The following WWOX variants were observed in gnomAD, a reference collection of about 807,000 sequenced individuals.
WWOX encodes the protein WW domain containing oxidoreductase.
A neutral mutation model predicts 46.2 loss-of-function variants in WWOX; 69 were observed. The ratio of observed to expected loss-of-function variants is 1.49; its 90% CI spans 1.23 to 1.82. WWOX has a LOEUF of 1.82. Among genes scored for constraint, WWOX ranks in the 40% most tolerant of loss-of-function variants. The probability of loss-of-function intolerance (pLI) is 0.00; values close to 1 mark genes in which losing one functional copy is unlikely to be tolerated. For missense variants in WWOX, 919 were observed against 542.6 expected (o/e 1.69, Z -6.89); for synonymous variants, 359 against 202.6 (o/e 1.77, Z -6.56).
At chr16:78,626,041 C>A (rs1283523716) in intron 8 of WWOX, among the ~76,000 whole-genome samples, 3 of 151,668 alleles carry the variant, frequency 2.0e-5, no homozygotes, top group Non-Finnish European at 4.4e-5. Flanking sequence ...TAAAGTCCAT[C>A]GTTTATCATA....
intron 8 of WWOX, among the ~76,000 whole-genome samples, chr16:79,105,662 T>G (rs1317808315): frequency 2.7e-5 from 4 of 146,354 alleles, no homozygotes; most frequent in Admixed American, 2.0e-4. Context: ...GTCTTTTTGT[T>G]TTTTTTTTTT....
Position 78,558,346 on chromosome 16 carries a change from G to C in WWOX, c.1056+125594G>C, listed in dbSNP as rs539145448. ...GGTTTGGCCTGCTGAAGTTTGTTTT[G>C]GATTTTTTAATGAAATAAATTAGCT... On this transcript the variant is annotated intron_variant, in intron 8 of 8. Transcript: ENST00000566780. Among the ~76,000 whole-genome samples, 413 of 152,314 alleles carry C rather than the reference G, an allele frequency of 2.7e-3. 2 individuals carry two copies. Among genetic ancestry groups the C allele is most frequent in the Non-Finnish European group, 2.9e-3 (200 of 68,026 alleles).
At chr16:78,908,346 C>T (rs1423366112) in intron 8 of WWOX, among the ~76,000 whole-genome samples, 1 of 152,044 alleles carries the variant, frequency 6.6e-6, no homozygotes, top group Non-Finnish European at 1.5e-5. Context: ...TTGAGACCAT[C>T]CTGGCCAAGG....
At chr16:78,428,902 T>A (rs887276726) in intron 7 of WWOX, among the ~76,000 whole-genome samples, 15 of 152,188 alleles carry the variant, frequency 9.9e-5, no homozygotes. Flanking sequence ...TAAACATTAA[T>A]GGAAAACATA....
intron 8 of WWOX, among the ~76,000 whole-genome samples, chr16:78,594,623 G>T (rs2045439779): frequency 6.6e-6 from 1 of 152,026 alleles, no homozygotes; most frequent in Admixed American, 6.5e-5. Context: ...TTCCAGAAAG[G>T]GATGATAGCC....
intron 5 of WWOX, among the ~76,000 whole-genome samples, chr16:78,304,314 A>G (rs999772606): frequency 2.0e-5 from 3 of 152,204 alleles, no homozygotes; most frequent in African/African-American, 7.2e-5. Flanking sequence ...TAAAATTTTA[A>G]TTAGGTTAAT....
At chr16:78,112,369 G>C (rs1271573991) in intron 3 of WWOX, among the ~76,000 whole-genome samples, 3 of 152,102 alleles carry the variant, frequency 2.0e-5, no homozygotes, top group African/African-American at 7.2e-5. Flanking sequence ...TTATCAGTTT[G>C]TGTAATAGTA....
chr16:79,032,338 G>A (rs1011971226), intron 8 of WWOX, among the ~76,000 whole-genome samples: 2 of 145,038 alleles, frequency 1.4e-5, no homozygotes, highest in Admixed American at 7.1e-5. Flanking sequence ...ATATTATAAT[G>A]TATGTAATAT....
At chr16:78,557,350 G>T (rs768040738) in intron 8 of WWOX, among the ~76,000 whole-genome samples, 20 of 151,970 alleles carry the variant, frequency 1.3e-4, no homozygotes, top group Admixed American at 4.6e-4. Context: ...TTATTTCTCC[G>T]CCCCCCGCAC....
At chr16:78,422,331 G>A (rs73572811) in intron 6 of WWOX, among the ~76,000 whole-genome samples, 3 of 151,632 alleles carry the variant, frequency 2.0e-5, no homozygotes, top group African/African-American at 7.3e-5. Flanking sequence ...AAACTTGTAC[G>A]TCTTAGGCTG....
chr16:78,340,439 C>T (rs1165305202), intron 5 of WWOX, among the ~76,000 whole-genome samples: 1 of 120,516 alleles, frequency 8.3e-6, no homozygotes, highest in Non-Finnish European at 2.0e-5. Flanking sequence ...GAACTCCTGA[C>T]CTCAGGTGAT....
At chr16:79,018,516 C>T (rs1248056143) in intron 8 of WWOX, among the ~76,000 whole-genome samples, 2 of 152,110 alleles carry the variant, frequency 1.3e-5, no homozygotes, top group Non-Finnish European at 2.9e-5. Flanking sequence ...AGGGATTTGA[C>T]AATGGTCTGA....
intron 5 of WWOX, among the ~76,000 whole-genome samples, chr16:78,365,234 T>G (rs1414054731): frequency 6.6e-6 from 1 of 152,210 alleles, no homozygotes; most frequent in Non-Finnish European, 1.5e-5. Flanking sequence ...CTGTGTCACC[T>G]TCTGACATTA....
At chr16:78,798,826 G>A (rs1245450178) in intron 8 of WWOX, among the ~76,000 whole-genome samples, 1 of 152,146 alleles carries the variant, frequency 6.6e-6, no homozygotes, top group East Asian at 1.9e-4. Context: ...AGAAGCTAAT[G>A]TTCCATATCA....
chr16:78,596,705 C>T lies in WWOX; in HGVS notation c.1056+163953C>T, dbSNP rs781446107. Among the ~76,000 whole-genome samples the T allele has an allele frequency of 2.6e-5, 4 of 152,062 alleles. No individual in the cohort carries two copies. In the South Asian group the frequency reaches 6.2e-4, roughly 24 times the overall value. Reference sequence around the variant, plus strand: ...AGGGAGAATCAGTTGAGAGGTAAGCCGGGCCTAGTAGAAAGTAAGCGAAGC... The same window carrying T: ...AGGGAGAATCAGTTGAGAGGTAAGCTGGGCCTAGTAGAAAGTAAGCGAAGC... On this transcript the variant is annotated intron_variant, in intron 8 of 8. Transcript: ENST00000566780.
At chr16:78,528,164 A>ACTTTTTTTTTT (rs1432846529) in intron 8 of WWOX, among the ~76,000 whole-genome samples, 1 of 47,808 alleles carries the variant, frequency 2.1e-5, no homozygotes, top group African/African-American at 6.9e-5. Context: ...ACACCTGGCT[A>ACTTTTTTTTTT]ATTTTTTTTT....
At chr16:78,623,557 G>C (rs8058496) in intron 8 of WWOX, among the ~76,000 whole-genome samples, 3,889 of 152,114 alleles carry the variant, frequency 0.026, 184 homozygotes, top group African/African-American at 0.089. Flanking sequence ...GCGCATGCTT[G>C]TAGTCCCAGC....
At chr16:78,114,300 A>G (rs1257921892) in intron 3 of WWOX, among the ~76,000 whole-genome samples, 1 of 151,944 alleles carries the variant, frequency 6.6e-6, no homozygotes, top group Admixed American at 6.6e-5. Flanking sequence ...AGGTCTAACT[A>G]TGTTGCCCAG....
At chr16:78,805,459 A>G (rs6564592) in intron 8 of WWOX, among the ~76,000 whole-genome samples, 108,084 of 150,750 alleles carry the variant, frequency 0.72, 39,227 homozygotes, top group Middle Eastern at 0.84. Context: ...TATTTTTCAT[A>G]TTTTTCGTAG....
Sources: gnomAD v4.1 joint callset for allele counts (sites outside exome capture counted in the v4.1 genomes callset) on GRCh38, gnomAD v4.1.1 for gene constraint, MANE v1.5 for transcripts, NCBI Gene and HGNC (gene_info 2026-07-23, HGNC 2026-07-21) for gene names.